The following ZNF71 variants were observed in gnomAD, a reference collection of about 807,000 sequenced individuals.
ZNF71 encodes the protein zinc finger protein 71.
ZNF71 carries 3 observed loss-of-function variants against 6.7 expected under a neutral mutation model. The observed-to-expected ratio is 0.45, with a 90% CI of 0.20 to 1.16. The LOEUF is 1.16. Among genes scored for constraint, ZNF71 ranks in the 50% most tolerant of loss-of-function variants. ZNF71 has a pLI of 0.25. For missense variants in ZNF71, 688 were observed against 728.6 expected, an observed-to-expected ratio of 0.94 and a Z score of 0.64; for synonymous variants, 343 against 311.1, an observed-to-expected ratio of 1.10 and a Z score of -1.08.
Position 56,618,574 on chromosome 19 carries a change from G to A in ZNF71, c.161-2694G>A, listed in dbSNP as rs1165452874. ...CAGGTCACTGAGTGTTCATAAAGAA[G>A]TGGGCAGGAGGACCTTCCTTCCTTA... On this transcript the variant is annotated intron_variant, in intron 3 of 3. Transcript: ENST00000599599. The surrounding 1 kb of genome is among the most constrained non-coding windows in gnomAD (Gnocchi z 4.6). Among the ~76,000 whole-genome samples the A allele has an allele frequency of 1.3e-5, 2 of 152,204 alleles. No homozygotes were observed. The highest frequency in any genetic ancestry group is 2.4e-5 in the African/African-American group (1 of 41,454).
chr19:56,610,794 A>G (rs1399952530), intron 2 of ZNF71, among the ~76,000 whole-genome samples: 2 of 152,250 alleles, frequency 1.3e-5, no homozygotes. Flanking sequence ...ATGTTGTTGC[A>G]GTATTTGTCC....
chr19:56,597,931 A>G (rs926126385), intron 1 of ZNF71, among the ~76,000 whole-genome samples: 2 of 151,996 alleles, frequency 1.3e-5, no homozygotes, highest in African/African-American at 4.8e-5. Flanking sequence ...GTTCCTTTCA[A>G]TCCTGGCCAG....
At chr19:56,620,062 G>A (rs976461592) in intron 3 of ZNF71, among the ~76,000 whole-genome samples, 1 of 152,238 alleles carries the variant, frequency 6.6e-6, no homozygotes, top group Non-Finnish European at 1.5e-5. Flanking sequence ...ACTAGGCAGC[G>A]TGTGACGTAG....
chr19:56,621,611 C>T lies in ZNF71; in HGVS notation c.504C>T (p.Gly168=), dbSNP rs1478249541. 3 of 1,614,178 alleles carry T rather than the reference C, an allele frequency of 1.9e-6. No homozygotes were observed. Among genetic ancestry groups the T allele is most frequent in the Non-Finnish European group, 2.5e-6 (3 of 1,180,004 alleles). The part of the protein sequence containing the change: ...EKGACPPVRR[G]KNFSSTSDLS... The stretch of plus-strand genomic sequence containing the variant: ...GGGCCTGTCCACCCGTAAGGCGTGG[C>T]AAGAACTTCTCCAGCACTTCAGACC... The change falls in exon 4 of 4, where the codon GGC becomes GGT. Residue 168 remains glycine, a synonymous_variant. Transcript: ENST00000599599.
In ZNF71 at chr19:56,621,382, G is replaced by T. The variant is rs150356083; in HGVS notation, c.275G>T (p.Gly92Val). ...GGACCCACGAGGAATGGTGCCAGGG[G>T]TCCTGGCTCAGAAGGAGTGTGGGAA... ...TGGPTRNGAR[G>V]PGSEGVWEPG... is the part of the protein sequence containing the mutation. The change falls in exon 4 of 4, where the codon GGT (glycine) becomes GTT (valine). Residue 92 changes from glycine (G) to valine (V), a missense_variant. Physicochemically the swap from Gly to Val is moderately radical, Grantham distance 109. Transcript: ENST00000599599. The T allele has an allele frequency of 7.0e-5, 112 of 1,605,794 alleles. 1 individual carries two copies. Among genetic ancestry groups the T allele is most frequent in the South Asian group, 2.6e-4 (23 of 89,932 alleles).
chr19:56,605,590 T>G (rs1344098443), intron 2 of ZNF71, among the ~76,000 whole-genome samples: 1 of 152,218 alleles, frequency 6.6e-6, no homozygotes, highest in East Asian at 1.9e-4. Context: ...AAAATATAAC[T>G]GGATCAGAAA....
At chr19:56,596,707 TA>T (rs1785801352) in intron 1 of ZNF71, among the ~76,000 whole-genome samples, 3 of 152,134 alleles carry the variant, frequency 2.0e-5, no homozygotes, top group African/African-American at 4.8e-5. Flanking sequence ...ATCCTTATCT[TA>T]CAGATGGGGA....
At chr19:56,604,299 A>G in intron 2 of ZNF71, among the ~76,000 whole-genome samples, 1 of 152,172 alleles carries the variant, frequency 6.6e-6, no homozygotes, top group Non-Finnish European at 1.5e-5. Flanking sequence ...CTTTTTATAT[A>G]TCAGTCACAC....
Position 56,621,981 on chromosome 19 carries a change from C to T in ZNF71, c.874C>T (p.His292Tyr), listed in dbSNP as rs2044856718. The T allele has an allele frequency of 1.2e-6, 2 of 1,606,350 alleles. No individual in the cohort carries two copies. The highest frequency in any genetic ancestry group is 1.7e-6 in the Non-Finnish European group (2 of 1,178,258). ...CCGGAAGACTTCCTCTCTCACCCAG[C>T]ACGAGCGGATCCACACGGGGGAGAA... Reference protein sequence around the residue: ...AFRKTSSLTQHERIHTGEKPY... With the variant: ...AFRKTSSLTQYERIHTGEKPY... Residue 292 changes from histidine to tyrosine, a missense_variant, in exon 4 of 4, where the codon CAC becomes TAC. Transcript: ENST00000599599.
Position 56,618,344 on chromosome 19 carries a change from T to C in ZNF71, c.161-2924T>C, listed in dbSNP as rs2044813962. ...CTACTGTATGTAACTCAAGTATGAT[T>C]GTGAGGGTCTCCAGAGATCCGTGCA... On this transcript the variant is annotated intron_variant, in intron 3 of 3. Transcript: ENST00000599599. This position sits in a 1 kb window ranked among gnomAD's most constrained non-coding sequence, Gnocchi z 4.6. 6.6e-6 allele frequency among the ~76,000 whole-genome samples: 1 copy of C among 152,182 alleles called. No individual in the cohort carries two copies. Among genetic ancestry groups the C allele is most frequent in the African/African-American group, 2.4e-5 (1 of 41,436 alleles).
At chr19:56,610,712 T>G (rs1332369686) in intron 2 of ZNF71, among the ~76,000 whole-genome samples, 1 of 152,256 alleles carries the variant, frequency 6.6e-6, no homozygotes, top group Non-Finnish European at 1.5e-5. Context: ...TCCCAGTCTG[T>G]TCTCCTATCA....
In ZNF71 at chr19:56,621,257, G is replaced by GT. The variant is rs377720725; in HGVS notation, c.161-4dup. 54 of 1,514,042 alleles carry GT rather than the reference G, an allele frequency of 3.6e-5. No homozygotes were observed. The highest frequency in any genetic ancestry group is 6.9e-5 in the Admixed American group (3 of 43,668). The allele number at this position is 1,514,042 out of a possible 1,614,324, so 93.8% of individuals were successfully genotyped here. ...ACATGTATTTGCATCTTCTGTTTTT[G>GT]TTTTTTTCAGACTGGGAGACTAGAC... On this transcript the variant is annotated splice_polypyrimidine_tract_variant and intron_variant, in intron 3 of 3. Coordinates refer to ENST00000599599, the MANE Select transcript of ZNF71 (RefSeq NM_001370215.1).
At position 56,621,772 on chromosome 19, in the gene ZNF71, C is replaced by T. The variant is rs1315880703; in HGVS notation, c.665C>T (p.Thr222Ile). 3.1e-6 allele frequency: 5 copies of T among 1,613,796 alleles called. 1 individual carries two copies. The South Asian group carries it at 3.3e-5, about 11-fold the overall frequency. Residue 222 changes from threonine to isoleucine, a missense_variant, in exon 4 of 4, where the codon ACC becomes ATC. Physicochemically the swap from Thr to Ile is moderately conservative, Grantham distance 89. Transcript: ENST00000599599. ...HTGEKPFECD[T>I]CGKHFIERSS... is the part of the protein sequence containing the mutation. ...GGAGAAAAGCCGTTTGAGTGTGACACCTGTGGGAAGCACTTCATCGAGCGC... is the reference window on the plus strand; with the variant it reads ...GGAGAAAAGCCGTTTGAGTGTGACATCTGTGGGAAGCACTTCATCGAGCGC...
chr19:56,615,913 G>C (rs575238065), intron 3 of ZNF71, among the ~76,000 whole-genome samples: 9 of 152,256 alleles, frequency 5.9e-5, no homozygotes, highest in Non-Finnish European at 2.9e-5. Context: ...GGTTTTAGTG[G>C]TTTAGCTCTT....
In ZNF71 at chr19:56,619,520, G is replaced by A. The variant is rs564264881; in HGVS notation, c.161-1748G>A. ...TGAAATCCCAAGTTTCGTATCGGAT[G>A]TGTTAGGCTTGGGCTATCCAGTTGA... is the stretch of plus-strand genomic sequence containing the variant. On this transcript the variant is annotated intron_variant, in intron 3 of 3. Transcript: ENST00000599599. Among the ~76,000 whole-genome samples, 7 of 152,356 alleles carry A rather than the reference G, an allele frequency of 4.6e-5. No homozygotes were observed. The South Asian group carries it at 6.2e-4, about 14-fold the overall frequency.
intron 2 of ZNF71, among the ~76,000 whole-genome samples, chr19:56,607,287 G>A (rs1046223065): frequency 3.3e-5 from 5 of 152,172 alleles, no homozygotes; most frequent in African/African-American, 1.2e-4. Context: ...GAGAGTATGA[G>A]AGTTGTATGC....
chr19:56,606,123 A>C (rs1026125788), intron 2 of ZNF71, among the ~76,000 whole-genome samples: 2 of 152,234 alleles, frequency 1.3e-5, no homozygotes, highest in African/African-American at 4.8e-5. Flanking sequence ...GTATGTGCTT[A>C]ATGAACATTA....
Position 56,600,183 on chromosome 19 carries a change from G to GTTTTTTT in ZNF71, c.-52-1323_-52-1322insTTTTTTT, listed in dbSNP as rs2044658970. Among the ~76,000 whole-genome samples, 5 of 41,194 alleles carry GTTTTTTT rather than the reference G, an allele frequency of 1.2e-4. No homozygotes were observed. The African/African-American group carries it at 1.7e-3, about 14-fold the overall frequency. The allele number at this position is 41,194 out of a possible 152,430, so 27.0% of individuals were successfully genotyped here. ...CAATCTTGGCTCACTGCAACCCTCTGTATTTTTTTTTTTTTTTTTTTTTTT... is the reference window on the plus strand; with the variant it reads ...CAATCTTGGCTCACTGCAACCCTCTGTTTTTTTTATTTTTTTTTTTTTTTTTTTTTTT... On this transcript the variant is annotated intron_variant, in intron 1 of 3. Transcript: ENST00000599599.
intron 1 of ZNF71, among the ~76,000 whole-genome samples, chr19:56,599,096 G>C (rs141247941): frequency 1.6e-3 from 240 of 152,316 alleles, no homozygotes; most frequent in African/African-American, 5.3e-3. Flanking sequence ...TGTTGGAGAG[G>C]ATTGAGGCTT....
Sources: allele counts gnomAD v4.1 joint callset (sites outside exome capture counted in the v4.1 genomes callset), GRCh38; gene constraint gnomAD v4.1.1; non-coding constraint Gnocchi (gnomAD v3.1); transcripts MANE v1.5; gene names NCBI Gene and HGNC (gene_info 2026-07-23, HGNC 2026-07-21).